Variants in EYS observed in about 807,000 individuals in gnomAD.
EYS encodes protein eyes shut homolog.
A neutral mutation model predicts 282.1 loss-of-function variants in EYS; 250 were observed. The ratio of observed to expected loss-of-function variants is 0.89; its 90% CI spans 0.80 to 0.98. The LOEUF is 0.98. EYS is among the 50% of genes least tolerant of loss of function. The probability of loss-of-function intolerance (pLI) is 0.00; values close to 1 mark genes in which losing one functional copy is unlikely to be tolerated. For synonymous variants in EYS, 1,355 were observed against 1,282.9 expected (o/e 1.06, Z -1.20); for missense variants, 4,016 against 3,709.0 (o/e 1.08, Z -2.15).
intron 15 of EYS, among the ~76,000 whole-genome samples, chr6:64,944,723 T>C (rs1451795242): frequency 2.6e-5 from 4 of 151,924 alleles, no homozygotes; most frequent in Admixed American, 6.6e-5. Flanking sequence ...CTCCTGCCTG[T>C]CCCTGGGAAC....
At chr6:64,925,906 C>T (rs868434693) in intron 15 of EYS, among the ~76,000 whole-genome samples, 9 of 152,084 alleles carry the variant, frequency 5.9e-5, no homozygotes, top group South Asian at 2.1e-4. Flanking sequence ...AGTCAGTTCT[C>T]GGGTCCCTAG....
chr6:64,613,965 C>A (rs1405604257), intron 24 of EYS, among the ~76,000 whole-genome samples: 1 of 152,078 alleles, frequency 6.6e-6, no homozygotes, highest in African/African-American at 2.4e-5. Context: ...AACTCCAGCC[C>A]TGTGTAGATT....
intron 19 of EYS, among the ~76,000 whole-genome samples, chr6:64,835,050 T>C (rs1375549493): frequency 6.6e-6 from 1 of 151,722 alleles, no homozygotes; most frequent in Non-Finnish European, 1.5e-5. Flanking sequence ...TATAGTTTTG[T>C]ACTAGTAAAT....
In EYS at chr6:65,026,916, C is replaced by CAAAAAAAAAAAAA. The variant is rs1260312589; in HGVS notation, c.2138-29226_2138-29214dup. The stretch of plus-strand genomic sequence containing the variant: ...TGGGCGACAGAGTGAGACTCCGTCT[C>CAAAAAAAAAAAAA]AAAAAAAAAAAAAAGATTCAGATAT... On this transcript the variant is annotated intron_variant, in intron 13 of 42. Coordinates refer to ENST00000503581, the MANE Select transcript of EYS (RefSeq NM_001142800.2). Among the ~76,000 whole-genome samples the CAAAAAAAAAAAAA allele has an allele frequency of 2.2e-3, 235 of 107,766 alleles. 7 individuals are homozygous for CAAAAAAAAAAAAA. Among genetic ancestry groups the CAAAAAAAAAAAAA allele is most frequent in the Admixed American group, 5.1e-3 (52 of 10,164 alleles). The allele number at this position is 107,766 out of a possible 152,430, so 70.7% of individuals were successfully genotyped here. A position where few individuals can be genotyped will look rare whatever the true frequency, so the allele number is the denominator to read the frequency against.
chr6:65,440,294 C>T (rs1362466850), intron 5 of EYS, among the ~76,000 whole-genome samples: 2 of 151,434 alleles, frequency 1.3e-5, no homozygotes, highest in Admixed American at 6.6e-5. Context: ...GAGTGAGAAA[C>T]ATTTGATAGA....
intron 2 of EYS, among the ~76,000 whole-genome samples, chr6:65,529,373 C>T (rs2127306586): frequency 6.6e-6 from 1 of 152,160 alleles, no homozygotes; most frequent in Admixed American, 6.5e-5. Context: ...AGATGAATTA[C>T]CAAAGAATGT....
intron 12 of EYS, among the ~76,000 whole-genome samples, chr6:65,155,743 G>A (rs1374287617): frequency 6.6e-6 from 1 of 151,406 alleles, no homozygotes; most frequent in Non-Finnish European, 1.5e-5. Context: ...AAAAAGCATT[G>A]CAGTGTAGAT....
intron 7 of EYS, among the ~76,000 whole-genome samples, chr6:65,391,226 C>T: frequency 6.6e-6 from 1 of 152,084 alleles, no homozygotes; most frequent in East Asian, 1.9e-4. Context: ...CTCCTGTCCC[C>T]TATAACAATA....
intron 2 of EYS, among the ~76,000 whole-genome samples, chr6:65,552,820 T>C (rs1034408379): frequency 2.0e-5 from 3 of 152,052 alleles, no homozygotes; most frequent in Non-Finnish European, 4.4e-5. Flanking sequence ...AGATTCAAAA[T>C]AAAAGGGGTA....
At chr6:65,522,381 G>A (rs550861290) in intron 2 of EYS, among the ~76,000 whole-genome samples, 1 of 152,106 alleles carries the variant, frequency 6.6e-6, no homozygotes, top group African/African-American at 2.4e-5. Flanking sequence ...CCAGAGGATC[G>A]CTTGAAAACA....
chr6:64,424,260 C>T (rs1774329682), intron 28 of EYS, among the ~76,000 whole-genome samples: 1 of 152,110 alleles, frequency 6.6e-6, no homozygotes, highest in Non-Finnish European at 1.5e-5. Context: ...AGATATAAAA[C>T]ATCCAGTAAA....
chr6:64,662,451 A>G (rs1338728760), intron 22 of EYS, among the ~76,000 whole-genome samples: 1 of 152,120 alleles, frequency 6.6e-6, no homozygotes, highest in Non-Finnish European at 1.5e-5. Context: ...GTAGAGATGC[A>G]AATACTTTCT....
At chr6:65,595,683 T>C (rs1765379912) in intron 2 of EYS, among the ~76,000 whole-genome samples, 1 of 150,508 alleles carries the variant, frequency 6.6e-6, no homozygotes, top group Admixed American at 6.6e-5. Flanking sequence ...TAAATAACGG[T>C]TTATCTCTTT....
chr6:65,229,942 C>T (rs986988381), intron 12 of EYS, among the ~76,000 whole-genome samples: 15 of 151,976 alleles, frequency 9.9e-5, no homozygotes, highest in Admixed American at 6.6e-5. Flanking sequence ...ATGACACATA[C>T]ATAAATAATC....
rs1248676962 is a variant in EYS, at chr6:65,293,995, A to AG, written c.2023+1867dup. Among the ~76,000 whole-genome samples, 3 of 151,752 alleles carry AG rather than the reference A, an allele frequency of 2.0e-5. No individual in the cohort carries two copies. The East Asian group carries it at 5.8e-4, about 29-fold the overall frequency. On this transcript the variant is annotated intron_variant, in intron 12 of 42. Coordinates refer to ENST00000503581, the MANE Select transcript of EYS (RefSeq NM_001142800.2). Reference sequence around the variant, plus strand: ...AGACGGAGGGAGAGAAAGCAAATGGAGGGGGGAAAAGAGACAGCAAGGAGA... The same window carrying AG: ...AGACGGAGGGAGAGAAAGCAAATGGAGGGGGGGAAAAGAGACAGCAAGGAGA...
chr6:64,062,768 A>ACT (rs1771222606), intron 33 of EYS, among the ~76,000 whole-genome samples: 2 of 151,522 alleles, frequency 1.3e-5, no homozygotes, highest in South Asian at 4.2e-4. Context: ...AACAATTTCT[A>ACT]CTCAACTGGT....
intron 22 of EYS, among the ~76,000 whole-genome samples, chr6:64,773,687 A>G (rs543235519): frequency 1.3e-5 from 2 of 152,082 alleles, no homozygotes; most frequent in South Asian, 4.2e-4. Flanking sequence ...GTGAGATGGT[A>G]TCTCATTGTG....
In EYS at chr6:64,822,763, C is replaced by T; in HGVS notation, c.3052G>A (p.Val1018Ile). 2 of 1,550,100 alleles carry T rather than the reference C, an allele frequency of 1.3e-6. No individual in the cohort carries two copies. The highest frequency in any genetic ancestry group is 2.4e-5 in the South Asian group (2 of 83,892). Residue 1018 changes from valine to isoleucine, a missense_variant, in exon 20 of 43, where the codon GTT (valine) becomes ATT (isoleucine). Physicochemically the swap from Val to Ile is conservative, Grantham distance 29. Transcript: ENST00000503581. ...CLSEPCLHDGVCIDGINHYTC... is the reference protein window; with the variant it reads ...CLSEPCLHDGICIDGINHYTC... ...TAATGATTGATGCCATCGATACAAA[C>T]TCCATCATGGAGACAGGGCTCTGAT... is the stretch of plus-strand genomic sequence containing the variant.
chr6:64,234,936 T>G (rs1562265087), intron 30 of EYS, among the ~76,000 whole-genome samples: 1 of 151,840 alleles, frequency 6.6e-6, no homozygotes, highest in Non-Finnish European at 1.5e-5. Context: ...TGGAGTGTAA[T>G]GGCCAATCTT....
Sources: gnomAD v4.1 joint callset for allele counts (sites outside exome capture counted in the v4.1 genomes callset) on GRCh38, gnomAD v4.1.1 for gene constraint, MANE v1.5 for transcripts, NCBI Gene and HGNC (gene_info 2026-07-23, HGNC 2026-07-21) for gene names.